Variants in HERC3 observed in about 807,000 individuals in gnomAD.
HERC3 encodes the protein probable E3 ubiquitin-protein ligase HERC3.
In HERC3, 58 loss-of-function variants were observed where a neutral mutation model predicts 129.9. The ratio of observed to expected loss-of-function variants is 0.45; its 90% CI spans 0.36 to 0.56. HERC3 has a LOEUF of 0.56. Among genes scored for constraint, HERC3 ranks in the 20% least tolerant of loss-of-function variants. The pLI is 0.00. For missense variants in HERC3, 835 were observed against 1,244.2 expected (o/e 0.67, Z 4.95); for synonymous variants, 430 against 451.0 (o/e 0.95, Z 0.59).
At chr4:88,700,188 A>G (rs956560295) in intron 23 of HERC3, among the ~76,000 whole-genome samples, 2 of 151,392 alleles carry the variant, frequency 1.3e-5, no homozygotes, top group African/African-American at 4.9e-5. Context: ...ACTTTTTATT[A>G]TTGGGTAGTA....
intron 10 of HERC3, among the ~76,000 whole-genome samples, chr4:88,661,377 C>G (rs1186940819): frequency 6.6e-6 from 1 of 152,184 alleles, no homozygotes; most frequent in Non-Finnish European, 1.5e-5. Flanking sequence ...ATTACATGCT[C>G]TACTCCTTCC....
At chr4:88,579,029 C>T in the HERC3 span, among the ~76,000 whole-genome samples, 13 of 151,942 alleles carry the variant, frequency 8.6e-5, no homozygotes, top group East Asian at 9.6e-4. Context: ...AGGCAAGAAG[C>T]GGGTATGATC....
At chr4:88,628,317 T>G (rs1212241884) in intron 3 of HERC3, among the ~76,000 whole-genome samples, 1 of 152,222 alleles carries the variant, frequency 6.6e-6, no homozygotes, top group Non-Finnish European at 1.5e-5. Flanking sequence ...CCTAGTAATA[T>G]TCGATGTTTT....
At chr4:88,676,068 T>C in intron 16 of HERC3, 150 bp from the exon 17 acceptor site, 1 of 592,424 alleles carries the variant, frequency 1.7e-6, no homozygotes, top group Non-Finnish European at 3.0e-6. Context: ...ATCTTTTCCC[T>C]CAAAATTTAG....
chr4:88,704,527 A>T lies in HERC3; in HGVS notation c.2861A>T (p.Asp954Val), dbSNP rs774578723. 7 of 1,610,296 alleles carry T rather than the reference A, an allele frequency of 4.3e-6. No individual in the cohort carries two copies. Among genetic ancestry groups the T allele is most frequent in the Non-Finnish European group, 5.9e-6 (7 of 1,176,660 alleles). ...GGACAGACTGCCATCTACAAGGGAGATTACTCGGCCACACATCCCACTGTA... is the reference window on the plus strand; with the variant it reads ...GGACAGACTGCCATCTACAAGGGAGTTTACTCGGCCACACATCCCACTGTA... ...ELEETAIYKGDYSATHPTVKL... is the reference protein window; with the variant it reads ...ELEETAIYKGVYSATHPTVKL... Residue 954 changes from aspartate (D) to valine (V), a missense_variant, in exon 25 of 26, where the codon GAT becomes GTT. By Grantham distance (152) the Asp-to-Val change is radical. Coordinates refer to ENST00000402738, the MANE Select transcript of HERC3 (RefSeq NM_014606.3).
At chr4:88,642,653 G>T (rs143210688) in intron 3 of HERC3, among the ~76,000 whole-genome samples, 2 of 152,254 alleles carry the variant, frequency 1.3e-5, no homozygotes, top group African/African-American at 4.8e-5. Context: ...ACAGTGAAAG[G>T]GGCTAGCTAG....
intron 3 of HERC3, among the ~76,000 whole-genome samples, chr4:88,626,730 C>T (rs1169803437): frequency 6.6e-6 from 1 of 151,992 alleles, no homozygotes; most frequent in Middle Eastern, 3.2e-3. Context: ...TATAATATTC[C>T]CTTATCCTCT....
chr4:88,593,143 G>A (rs1349896621), intron 1 of HERC3: 1 of 152,132 alleles, frequency 6.6e-6, no homozygotes, highest in Non-Finnish European at 1.5e-5. Context: ...TGACAGCGCC[G>A]GCAGGGCTGC....
At chr4:88,694,514 T>G (rs1734396187) in intron 23 of HERC3, among the ~76,000 whole-genome samples, 1 of 152,228 alleles carries the variant, frequency 6.6e-6, no homozygotes, top group Non-Finnish European at 1.5e-5. Flanking sequence ...TCCTAGCCAT[T>G]CCCTGTCCAG....
intron 23 of HERC3, among the ~76,000 whole-genome samples, chr4:88,700,033 GT>G (rs1735184778): frequency 6.6e-6 from 1 of 151,094 alleles, no homozygotes; most frequent in Non-Finnish European, 1.5e-5. Flanking sequence ...CAGTACCTCT[GT>G]TTTTTCCAGA....
intron 2 of HERC3, among the ~76,000 whole-genome samples, chr4:88,598,432 T>C (rs1722633282): frequency 6.6e-6 from 1 of 152,244 alleles, no homozygotes; most frequent in South Asian, 2.1e-4. Flanking sequence ...ATGGTTGTGA[T>C]GCTACTTTGC....
the HERC3 span, chr4:88,523,906 A>G: frequency 1.1e-5 from 6 of 547,266 alleles, no homozygotes; most frequent in Admixed American, 3.9e-5. Flanking sequence ...TATAGTCCGG[A>G]GGACAGCCCC....
At chr4:88,594,125 A>C (rs1473895875) in intron 1 of HERC3, among the ~76,000 whole-genome samples, 1 of 152,242 alleles carries the variant, frequency 6.6e-6, no homozygotes, top group Non-Finnish European at 1.5e-5. Context: ...GTTCTTGTTC[A>C]GTAAGTAGCT....
the HERC3 span, among the ~76,000 whole-genome samples, chr4:88,549,597 C>A: frequency 6.6e-6 from 1 of 152,102 alleles, no homozygotes; most frequent in Non-Finnish European, 1.5e-5. Flanking sequence ...ACTTCACTTA[C>A]GATAATGGCC....
At chr4:88,553,063 G>A in the HERC3 span, among the ~76,000 whole-genome samples, 2 of 152,190 alleles carry the variant, frequency 1.3e-5, no homozygotes, top group Admixed American at 1.3e-4. Flanking sequence ...AACTGAATTT[G>A]TCTGTTACTG....
the HERC3 span, among the ~76,000 whole-genome samples, chr4:88,567,333 G>C: frequency 6.6e-6 from 1 of 151,982 alleles, no homozygotes. Flanking sequence ...CTTTCTCTAG[G>C]TTTGGAAGGT....
At chr4:88,559,555 G>A in the HERC3 span, among the ~76,000 whole-genome samples, 2,012 of 152,152 alleles carry the variant, frequency 0.013, 37 homozygotes, top group African/African-American at 0.046. Flanking sequence ...TTTTTTCTGT[G>A]TCTGGCTTAT....
intron 12 of HERC3, among the ~76,000 whole-genome samples, chr4:88,666,560 T>G (rs77271872): frequency 2.0e-5 from 3 of 152,216 alleles, no homozygotes; most frequent in Admixed American, 2.0e-4. Context: ...GAAACTCTTA[T>G]GTTTTCAAAA....
chr4:88,686,248 T>C (rs183590935), intron 21 of HERC3, among the ~76,000 whole-genome samples: 11 of 152,364 alleles, frequency 7.2e-5, no homozygotes, highest in Admixed American at 6.5e-4. Context: ...CCCTGGTCTT[T>C]ACCATATAGA....
Sources: allele counts gnomAD v4.1 joint callset (sites outside exome capture counted in the v4.1 genomes callset), GRCh38; gene constraint gnomAD v4.1.1; transcripts MANE v1.5; gene names NCBI Gene and HGNC (gene_info 2026-07-23, HGNC 2026-07-21).